PRKN: variants seen among roughly 807,000 people sequenced by gnomAD.
The protein encoded by PRKN is E3 ubiquitin-protein ligase parkin.
Under a neutral mutation model 59.5 loss-of-function variants are expected in PRKN, and 56 were observed. The observed-to-expected ratio is 0.94, with a 90% CI of 0.76 to 1.18. PRKN has a LOEUF of 1.18. Among genes scored for constraint, PRKN ranks in the 50% most tolerant of loss-of-function variants. PRKN has a pLI of 0.00. For missense variants in PRKN, 657 were observed against 596.4 expected, an observed-to-expected ratio of 1.10 and a Z score of -1.06; for synonymous variants, 250 against 222.1, an observed-to-expected ratio of 1.13 and a Z score of -1.12.
rs146512240 is a variant in PRKN at position 162,137,409 on chromosome 6, C to A, written c.534+63722G>T. On this transcript the variant is annotated intron_variant, in intron 4 of 11. Transcript: ENST00000366898. Reference sequence around the variant, plus strand: ...GAAGCAGGTGAGGTACCTAAAACTACCTGAGACACCTAGTTCTTCACTTTA... The same window carrying A: ...GAAGCAGGTGAGGTACCTAAAACTAACTGAGACACCTAGTTCTTCACTTTA... Among the ~76,000 whole-genome samples the A allele has an allele frequency of 3.0e-3, 464 of 152,280 alleles. 1 individual carries two copies. The highest frequency in any genetic ancestry group is 0.011 in the African/African-American group (444 of 41,548).
chr6:162,075,456 A>G (rs1252937416), intron 4 of PRKN, among the ~76,000 whole-genome samples: 1 of 152,136 alleles, frequency 6.6e-6, no homozygotes, highest in Non-Finnish European at 1.5e-5. Flanking sequence ...ACTTAACTTG[A>G]TCGCCTGCAT....
chr6:162,157,771 A>C (rs541960410), intron 4 of PRKN, among the ~76,000 whole-genome samples: 3 of 152,024 alleles, frequency 2.0e-5, no homozygotes, highest in Non-Finnish European at 2.9e-5. Context: ...AGACACATTC[A>C]GAAAGACTTC....
chr6:162,579,672 C>T (rs1297606955), intron 1 of PRKN, among the ~76,000 whole-genome samples: 1 of 151,506 alleles, frequency 6.6e-6, no homozygotes, highest in Admixed American at 6.6e-5. Flanking sequence ...CACAGATACA[C>T]ACAGATTCAC....
At chr6:162,051,340 G>A (rs1350305154) in intron 5 of PRKN, among the ~76,000 whole-genome samples, 4 of 152,090 alleles carry the variant, frequency 2.6e-5, no homozygotes, top group South Asian at 2.1e-4. Context: ...AGAGATGCCC[G>A]GTGAGTGTAA....
intron 2 of PRKN, among the ~76,000 whole-genome samples, chr6:162,414,972 A>G (rs530406627): frequency 6.6e-6 from 1 of 152,276 alleles, no homozygotes; most frequent in East Asian, 1.9e-4. Flanking sequence ...CTTTTATTTA[A>G]GAAAATTAAG....
At position 161,503,334 on chromosome 6, in the gene PRKN, A is replaced by T. The variant is rs1053781766; in HGVS notation, c.1083+45520T>A. On this transcript the variant is annotated intron_variant, in intron 9 of 11. Coordinates refer to ENST00000366898, the MANE Select transcript of PRKN (RefSeq NM_004562.3). The surrounding 1 kb of genome is among the most constrained non-coding windows in gnomAD (Gnocchi z 5.1). ...CAAGTCATAAAAAAGTCTTTTATAC[A>T]ATAGCCAAGACTCATGAACTTCTGT... Among the ~76,000 whole-genome samples, 13 of 152,180 alleles carry T rather than the reference A, an allele frequency of 8.5e-5. No individual in the cohort carries two copies. Among genetic ancestry groups the T allele is most frequent in the Non-Finnish European group, 1.9e-4 (13 of 68,032 alleles).
At chr6:161,642,163 T>A (rs1783768317) in intron 7 of PRKN, among the ~76,000 whole-genome samples, 1 of 152,212 alleles carries the variant, frequency 6.6e-6, no homozygotes, top group African/African-American at 2.4e-5. Flanking sequence ...GATTTGAAAA[T>A]CTACCTAGAA....
At chr6:162,136,697 T>G (rs1176101107) in intron 4 of PRKN, among the ~76,000 whole-genome samples, 1 of 152,204 alleles carries the variant, frequency 6.6e-6, no homozygotes, top group Non-Finnish European at 1.5e-5. Flanking sequence ...ATCACTGTGA[T>G]CAGCTGAATT....
chr6:162,243,750 T>A (rs1779085481), intron 3 of PRKN, among the ~76,000 whole-genome samples: 1 of 152,146 alleles, frequency 6.6e-6, no homozygotes, highest in African/African-American at 2.4e-5. Context: ...CACATCTCAG[T>A]GAGTTCTTAG....
At chr6:161,615,819 G>C (rs572464072) in intron 7 of PRKN, among the ~76,000 whole-genome samples, 14 of 152,206 alleles carry the variant, frequency 9.2e-5, no homozygotes, top group East Asian at 1.9e-4. Flanking sequence ...TGAAGCAAAG[G>C]GGGAGAGAAC....
Position 161,593,992 on chromosome 6 carries a change from A to T in PRKN, c.872-24576T>A, listed in dbSNP as rs1781820865. On this transcript the variant is annotated intron_variant, in intron 7 of 11. Coordinates refer to ENST00000366898, the MANE Select transcript of PRKN (RefSeq NM_004562.3). This position sits in a 1 kb window ranked among gnomAD's most constrained non-coding sequence, Gnocchi z 4.8. The stretch of plus-strand genomic sequence containing the variant: ...TAGTGAAACCCCATCTCTACTAAAA[A>T]AAAAAAACAAAAAACAAAAACCCAG... 6.6e-6 allele frequency among the ~76,000 whole-genome samples: 1 copy of T among 151,662 alleles called. No individual in the cohort carries two copies. Among genetic ancestry groups the T allele is most frequent in the African/African-American group, 2.4e-5 (1 of 41,284 alleles).
At chr6:161,604,602 T>C (rs1226432655) in intron 7 of PRKN, among the ~76,000 whole-genome samples, 1 of 152,218 alleles carries the variant, frequency 6.6e-6, no homozygotes, top group African/African-American at 2.4e-5. Context: ...TTTATAGAGA[T>C]GAGAATGAGT....
intron 5 of PRKN, among the ~76,000 whole-genome samples, chr6:161,989,899 C>T (rs188035222): frequency 1.3e-5 from 2 of 152,252 alleles, no homozygotes; most frequent in African/African-American, 4.8e-5. Flanking sequence ...CAGCCGGCTG[C>T]CATCACCACT....
intron 7 of PRKN, among the ~76,000 whole-genome samples, chr6:161,621,706 C>T (rs1246106823): frequency 6.6e-6 from 1 of 152,042 alleles, no homozygotes; most frequent in Non-Finnish European, 1.5e-5. Flanking sequence ...CAAGTCGACA[C>T]CTAAAATTAA....
At chr6:162,186,172 G>GA (rs751248230) in intron 4 of PRKN, among the ~76,000 whole-genome samples, 2 of 152,092 alleles carry the variant, frequency 1.3e-5, no homozygotes, top group Admixed American at 1.3e-4. Flanking sequence ...GGCTCTACAT[G>GA]AAAAGCTTAT....
intron 5 of PRKN, among the ~76,000 whole-genome samples, chr6:161,988,738 A>T (rs1319638037): frequency 6.6e-6 from 1 of 152,148 alleles, no homozygotes; most frequent in Non-Finnish European, 1.5e-5. Context: ...TCATAAACAC[A>T]GAGAAGCGGA....
intron 7 of PRKN, among the ~76,000 whole-genome samples, chr6:161,776,471 A>G (rs1789928681): frequency 2.0e-5 from 3 of 152,192 alleles, no homozygotes; most frequent in Admixed American, 1.3e-4. Context: ...AGCAAGTCAA[A>G]TCACTAGAGA....
At chr6:162,354,437 A>G (rs1299954723) in intron 2 of PRKN, among the ~76,000 whole-genome samples, 1 of 152,080 alleles carries the variant, frequency 6.6e-6, no homozygotes, top group African/African-American at 2.4e-5. Flanking sequence ...CAGACCTTCT[A>G]ACTCTAAATG....
rs1001950930 is a variant in PRKN at position 162,146,747 on chromosome 6, C to T, written c.534+54384G>A. Among the ~76,000 whole-genome samples, 8 of 152,064 alleles carry T rather than the reference C, an allele frequency of 5.3e-5. No homozygotes were observed. In the East Asian group the frequency reaches 9.8e-4, roughly 19 times the overall value. On this transcript the variant is annotated intron_variant, in intron 4 of 11. Coordinates refer to ENST00000366898, the MANE Select transcript of PRKN (RefSeq NM_004562.3). Reference sequence around the variant, plus strand: ...CTCGAACTCCTGACCTCAGGTGATCCGCCCACCTTGGCCTCCCAAAGTGCT... The same window carrying T: ...CTCGAACTCCTGACCTCAGGTGATCTGCCCACCTTGGCCTCCCAAAGTGCT...
Sources: gnomAD v4.1 joint callset for allele counts (sites outside exome capture counted in the v4.1 genomes callset) on GRCh38, gnomAD v4.1.1 for gene constraint, Gnocchi (gnomAD v3.1) non-coding constraint, MANE v1.5 for transcripts, NCBI Gene and HGNC (gene_info 2026-07-23, HGNC 2026-07-21) for gene names.